The following RYR1 variants were observed in gnomAD, a reference collection of about 807,000 sequenced individuals.
RYR1 encodes ryanodine receptor 1.
In RYR1, 342 loss-of-function variants were observed where a neutral mutation model predicts 583.5. That is an observed-to-expected ratio of 0.59 (90% CI 0.54 to 0.64). The LOEUF is 0.64. Ranked by LOEUF, RYR1 falls within the 30% of genes least tolerant of loss-of-function variation. The pLI is 0.00. For synonymous variants in RYR1, 2,791 were observed against 2,822.5 expected, an observed-to-expected ratio of 0.99 and a Z score of 0.35; for missense variants, 6,032 against 6,917.2, an observed-to-expected ratio of 0.87 and a Z score of 4.54.
intron 28 of RYR1, among the ~76,000 whole-genome samples, chr19:38,474,051 A>G (rs917693402): frequency 1.1e-4 from 16 of 152,206 alleles, no homozygotes; most frequent in South Asian, 8.3e-4. Flanking sequence ...GCTTCGCCCA[A>G]TGGACCTTAT....
Position 38,496,803 on chromosome 19 carries a change from C to T in RYR1, c.6797-57C>T. 1 of 1,537,904 alleles carries T rather than the reference C, an allele frequency of 6.5e-7. No homozygotes were observed. Among genetic ancestry groups the T allele is most frequent in the Non-Finnish European group, 9.0e-7 (1 of 1,112,028 alleles). On this transcript the variant is annotated intron_variant, in intron 41 of 105. Transcript: ENST00000359596. This position sits in a 1 kb window ranked among gnomAD's most constrained non-coding sequence, Gnocchi z 4.8. ...AAAAAGGGTGGTCAGGGAGGGCTTC[C>T]CAGAGGAGGCGAGACAAGCAGGAGT...
chr19:38,509,325 G>A (rs1051804759), intron 58 of RYR1, among the ~76,000 whole-genome samples: 4 of 152,092 alleles, frequency 2.6e-5, no homozygotes, highest in African/African-American at 9.7e-5. Context: ...TGAAAAATGG[G>A]GGTTGGGAAC....
chr19:38,503,425 A>G (rs1970293166), intron 49 of RYR1, among the ~76,000 whole-genome samples: 1 of 152,136 alleles, frequency 6.6e-6, no homozygotes, highest in African/African-American at 2.4e-5. Flanking sequence ...AGATACCCCC[A>G]ACTCAGATAT....
intron 31 of RYR1, among the ~76,000 whole-genome samples, chr19:38,481,093 G>A (rs990170468): frequency 2.6e-5 from 4 of 151,748 alleles, no homozygotes; most frequent in Non-Finnish European, 4.4e-5. Flanking sequence ...AGGCTGGTGC[G>A]CAGTGGTGCC....
chr19:38,573,403 C>A, intron 96 of RYR1, 96 bp downstream of exon 96: 1 of 1,471,362 alleles, frequency 6.8e-7, no homozygotes, highest in Non-Finnish European at 9.1e-7. Flanking sequence ...GGTTTCGGTC[C>A]GGGCACGGTG....
At chr19:38,442,963 C>G (rs570774798) in intron 3 of RYR1, among the ~76,000 whole-genome samples, 2 of 152,326 alleles carry the variant, frequency 1.3e-5, no homozygotes, top group African/African-American at 4.8e-5. Flanking sequence ...CTGGCCCCAT[C>G]ACATGGTACC....
chr19:38,457,400 G>A (rs947851078), intron 16 of RYR1, 97 bp from the exon 17 acceptor site: 12 of 1,557,938 alleles, frequency 7.7e-6, no homozygotes, highest in African/African-American at 5.4e-5. Flanking sequence ...ATCCCGATGC[G>A]CTGTCCTTTC....
At chr19:38,481,516 C>G (rs1033886900) in intron 31 of RYR1, among the ~76,000 whole-genome samples, 54 of 152,250 alleles carry the variant, frequency 3.5e-4, no homozygotes, top group African/African-American at 1.2e-3. Context: ...CCCCTCCATT[C>G]CTTCTTCTTT....
chr19:38,537,068 A>G, intron 83 of RYR1: 1 of 523,078 alleles, frequency 1.9e-6, no homozygotes, highest in Non-Finnish European at 3.4e-6. Flanking sequence ...TTCCAGCTGG[A>G]TATTGTCGGA....
At position 38,512,189 on chromosome 19, in the gene RYR1, C is replaced by G; in HGVS notation, c.9234-56C>G. On this transcript the variant is annotated intron_variant, in intron 62 of 105. Coordinates refer to ENST00000359596, the MANE Select transcript of RYR1 (RefSeq NM_000540.3). The surrounding 1 kb of genome is among the most constrained non-coding windows in gnomAD (Gnocchi z 5.1). ...CCATCATCGGGCCCCCACCCCAACC[C>G]CTGGTCTCCTAGACTCTCCGATTCC... 6.2e-7 allele frequency: 1 copy of G among 1,613,946 alleles called. No homozygotes were observed. Among genetic ancestry groups the G allele is most frequent in the South Asian group, 1.1e-5 (1 of 91,082 alleles).
rs375668999 is a variant in RYR1, at chr19:38,579,416, C to T, written c.14365-566C>T. 1.9e-3 allele frequency among the ~76,000 whole-genome samples: 261 copies of T among 141,042 alleles called. 1 individual carries two copies. The highest frequency in any genetic ancestry group is 6.9e-3 in the African/African-American group (252 of 36,396). The allele number at this position is 141,042 out of a possible 152,430, so 92.5% of individuals were successfully genotyped here. On this transcript the variant is annotated intron_variant, in intron 99 of 105. Coordinates refer to ENST00000359596, the MANE Select transcript of RYR1 (RefSeq NM_000540.3). ...CTCCAGCCTGGGCAACAGACTAAGA[C>T]TCCATCTCAAAAAAAAAAAAAAAAA...
At chr19:38,493,810 G>A (rs1055724250) in intron 38 of RYR1, among the ~76,000 whole-genome samples, 6 of 151,956 alleles carry the variant, frequency 3.9e-5, no homozygotes, top group Non-Finnish European at 8.8e-5. Flanking sequence ...GTGAGCCACC[G>A]CACCCAGCCA....
rs1482429489 is a variant in RYR1 at position 38,523,226 on chromosome 19, C to A, written c.10357C>A (p.Arg3453Ser). The A allele has an allele frequency of 6.2e-7, 1 of 1,614,222 alleles. No homozygotes were observed. Among genetic ancestry groups the A allele is most frequent in the Non-Finnish European group, 8.5e-7 (1 of 1,180,036 alleles). Reference sequence around the variant, plus strand: ...CTGCTTCCCCCACCAGAACTTCAAGCGCGAGGAGCAGAACTTTGTGGTCCA... The same window carrying A: ...CTGCTTCCCCCACCAGAACTTCAAGAGCGAGGAGCAGAACTTTGTGGTCCA... ...IYWSKSHNFK[R>S]EEQNFVVQNE... The change falls in exon 69 of 106, where the codon CGC becomes AGC. Residue 3453 changes from arginine (R) to serine (S), a missense_variant. Arg to Ser is a moderately radical substitution (Grantham distance 110). Around this residue, in one of 11 missense-constraint regions of RYR1, gnomAD observed 1,493 missense variants for 1,715.5 expected, o/e 0.87. Transcript: ENST00000359596.
Position 38,512,066 on chromosome 19 carries a change from TCC to T in RYR1, c.9173-4_9173-3del. ...GGCATCCCCCCGGCCCATCTTCCTC[TCC>T]CAGGGACAGACGCCCCAGCTGTGGT... On this transcript the variant is annotated splice_polypyrimidine_tract_variant and splice_region_variant and intron_variant, in intron 61 of 105. Coordinates refer to ENST00000359596, the MANE Select transcript of RYR1 (RefSeq NM_000540.3). This position sits in a 1 kb window ranked among gnomAD's most constrained non-coding sequence, Gnocchi z 5.1. The T allele has an allele frequency of 6.2e-7, 1 of 1,613,838 alleles. No homozygotes were observed. The highest frequency in any genetic ancestry group is 8.5e-7 in the Non-Finnish European group (1 of 1,179,928).
In RYR1 at chr19:38,478,629, G is replaced by C; in HGVS notation, c.4620+29G>C. 3.1e-6 allele frequency: 5 copies of C among 1,604,238 alleles called. No homozygotes were observed. In the East Asian group the frequency reaches 1.1e-4, roughly 36 times the overall value. On this transcript the variant is annotated intron_variant, in intron 31 of 105. Transcript: ENST00000359596. The stretch of plus-strand genomic sequence containing the variant: ...AGTCCAGGCCACAGCAATTTAGCGA[G>C]AGCATCATGTCCCAGCATCCCAGGA...
chr19:38,496,676 T>A lies in RYR1; in HGVS notation c.6796+135T>A. 8.0e-7 allele frequency: 1 copy of A among 1,247,460 alleles called. No homozygotes were observed. The highest frequency in any genetic ancestry group is 1.2e-6 in the Non-Finnish European group (1 of 861,180). 77.3% of individuals were successfully genotyped at this position (1,247,460 alleles called of 1,614,324 possible). A position where few individuals can be genotyped will look rare whatever the true frequency, so the allele number is the denominator to read the frequency against. On this transcript the variant is annotated intron_variant, in intron 41 of 105. Transcript: ENST00000359596. This position sits in a 1 kb window ranked among gnomAD's most constrained non-coding sequence, Gnocchi z 4.8. The stretch of plus-strand genomic sequence containing the variant: ...ACTGTGGTTCTGGCCCTGTAATGAG[T>A]AATGCTGGGGACACAATAGTGACCC...
At chr19:38,524,183 T>TC (rs1459936793) in intron 70 of RYR1, among the ~76,000 whole-genome samples, 6 of 116,862 alleles carry the variant, frequency 5.1e-5, no homozygotes, top group African/African-American at 1.6e-4. Flanking sequence ...GGACTTTTGT[T>TC]CCCAAAAAAA....
intron 95 of RYR1, 51 bp downstream of exon 95, chr19:38,572,321 G>A: frequency 4.0e-6 from 6 of 1,504,576 alleles, no homozygotes; most frequent in East Asian, 2.4e-5. Flanking sequence ...CTGGGTGGGG[G>A]TGGGGGCAGT....
Position 38,548,243 on chromosome 19 carries a change from G to A in RYR1, c.12105G>A (p.Val4035=), listed in dbSNP as rs1409023227. ...MLLSLLEGNV[V]NGMIARQMVD... ...TGGGGCTGCCTGCAGGGAACGTGGTGAACGGCATGATCGCCCGGCAGATGG... is the reference window on the plus strand; with the variant it reads ...TGGGGCTGCCTGCAGGGAACGTGGTAAACGGCATGATCGCCCGGCAGATGG... The change falls in exon 89 of 106, where the codon GTG becomes GTA. Residue 4035 remains valine, a synonymous_variant. Transcript: ENST00000359596. 4 of 1,614,092 alleles carry A rather than the reference G, an allele frequency of 2.5e-6. No individual in the cohort carries two copies. Among genetic ancestry groups the A allele is most frequent in the African/African-American group, 1.3e-5 (1 of 74,936 alleles).
Sources: gnomAD v4.1 joint callset for allele counts (sites outside exome capture counted in the v4.1 genomes callset) on GRCh38, gnomAD v4.1.1 for gene constraint, gnomAD v4.1.1 regional missense constraint, Gnocchi (gnomAD v3.1) non-coding constraint, MANE v1.5 for transcripts, NCBI Gene and HGNC (gene_info 2026-07-23, HGNC 2026-07-21) for gene names.